The following AGPAT5 variants were observed in gnomAD, a reference collection of about 807,000 sequenced individuals.
AGPAT5 encodes 1-acylglycerol-3-phosphate O-acyltransferase 5, also known as 1-acyl-sn-glycerol-3-phosphate acyltransferase epsilon.
A neutral mutation model predicts 45.6 loss-of-function variants in AGPAT5; 46 were observed. That is an observed-to-expected ratio of 1.01 (90% CI 0.80 to 1.29). The LOEUF is 1.29. Among genes scored for constraint, AGPAT5 ranks in the 50% most tolerant of loss-of-function variants. The probability of loss-of-function intolerance (pLI) is 0.00; values close to 1 mark genes in which losing one functional copy is unlikely to be tolerated. For missense variants in AGPAT5, 673 were observed against 450.7 expected (o/e 1.49, Z -4.47); for synonymous variants, 272 against 167.0 (o/e 1.63, Z -4.85).
At chr8:6,742,203 A>G (rs1183781311) in intron 5 of AGPAT5, among the ~76,000 whole-genome samples, 1 of 152,196 alleles carries the variant, frequency 6.6e-6, no homozygotes, top group Non-Finnish European at 1.5e-5. Flanking sequence ...AAAAGAACAT[A>G]TGCCTTATAA....
chr8:6,734,463 T>G (rs1339784922), intron 4 of AGPAT5, among the ~76,000 whole-genome samples: 2 of 152,162 alleles, frequency 1.3e-5, no homozygotes, highest in African/African-American at 4.8e-5. Flanking sequence ...TTTCATAGTT[T>G]CCATCTCTGT....
intron 3 of AGPAT5, 87 bp downstream of exon 3, chr8:6,730,913 A>C (rs969757611): frequency 3.7e-6 from 3 of 821,668 alleles, no homozygotes; most frequent in Admixed American, 5.8e-5. Flanking sequence ...TTTATTGCTC[A>C]GGCTGAGTGC....
intron 1 of AGPAT5, among the ~76,000 whole-genome samples, chr8:6,721,219 G>A (rs1253498918): frequency 3.3e-5 from 5 of 152,164 alleles, no homozygotes; most frequent in Admixed American, 2.0e-4. Context: ...ATCTTATAAT[G>A]ATTAACTGGT....
intron 2 of AGPAT5, among the ~76,000 whole-genome samples, chr8:6,727,183 G>T (rs1329600842): frequency 6.6e-6 from 1 of 152,086 alleles, no homozygotes; most frequent in Non-Finnish European, 1.5e-5. Flanking sequence ...CAGGCTTGCC[G>T]GAATAAATGA....
chr8:6,724,800 C>A, intron 1 of AGPAT5, 70 bp from the exon 2 acceptor site: 1 of 467,166 alleles, frequency 2.1e-6, no homozygotes, highest in Non-Finnish European at 3.7e-6. Context: ...AGTTTCTTCA[C>A]ATTGTCTTCC....
At chr8:6,731,941 C>T (rs1800879240) in intron 3 of AGPAT5, among the ~76,000 whole-genome samples, 1 of 152,190 alleles carries the variant, frequency 6.6e-6, no homozygotes, top group Non-Finnish European at 1.5e-5. Context: ...GCTTCCTCTT[C>T]TTAGAAGGAC....
At chr8:6,751,920 T>C (rs1407496080) in intron 6 of AGPAT5, among the ~76,000 whole-genome samples, 2 of 152,192 alleles carry the variant, frequency 1.3e-5, no homozygotes, top group African/African-American at 4.8e-5. Context: ...GGCTCACGCG[T>C]GTAATCCCAG....
chr8:6,712,855 T>C (rs948816012), intron 1 of AGPAT5, among the ~76,000 whole-genome samples: 3 of 152,216 alleles, frequency 2.0e-5, no homozygotes, highest in Non-Finnish European at 4.4e-5. Flanking sequence ...TAAATGTTAA[T>C]AGGATGTCTT....
At chr8:6,748,651 T>C (rs1801558100) in intron 6 of AGPAT5, among the ~76,000 whole-genome samples, 1 of 152,184 alleles carries the variant, frequency 6.6e-6, no homozygotes, top group African/African-American at 2.4e-5. Flanking sequence ...ACTACATGCG[T>C]GTGCCACCAT....
At chr8:6,723,015 A>T (rs1160209598) in intron 1 of AGPAT5, among the ~76,000 whole-genome samples, 1 of 152,216 alleles carries the variant, frequency 6.6e-6, no homozygotes. Context: ...ACATTTGTAG[A>T]CGGAACTAAT....
At chr8:6,755,991 C>T (rs1325935485) in intron 7 of AGPAT5, among the ~76,000 whole-genome samples, 1 of 152,124 alleles carries the variant, frequency 6.6e-6, no homozygotes, top group East Asian at 1.9e-4. Context: ...AGAAAAAAGA[C>T]TAATGTATTT....
At chr8:6,730,177 G>A (rs1383852824) in intron 2 of AGPAT5, among the ~76,000 whole-genome samples, 2 of 150,610 alleles carry the variant, frequency 1.3e-5, no homozygotes, top group Admixed American at 1.3e-4. Flanking sequence ...GATTATTTAG[G>A]TATTTTGTGA....
intron 6 of AGPAT5, 143 bp from the exon 7 acceptor site, chr8:6,754,908 T>TTTTGTTTATTTTTG (rs1427241224): frequency 1.4e-5 from 9 of 632,272 alleles, no homozygotes; most frequent in Admixed American, 1.2e-4. Context: ...TTTTTTTAAC[T>TTTTGTTTATTTTTG]TTTGTTTATT....
chr8:6,728,423 A>C (rs1461179322), intron 2 of AGPAT5, among the ~76,000 whole-genome samples: 1 of 151,182 alleles, frequency 6.6e-6, no homozygotes, highest in Non-Finnish European at 1.5e-5. Flanking sequence ...CAAAGCTTTT[A>C]TATTTTGACT....
chr8:6,742,903 T>C (rs541215765), intron 5 of AGPAT5, among the ~76,000 whole-genome samples: 5 of 152,364 alleles, frequency 3.3e-5, no homozygotes, highest in Non-Finnish European at 4.4e-5. Context: ...CTCTGTCTAA[T>C]AGACATGACG....
intron 5 of AGPAT5, 26 bp from the exon 6 acceptor site, chr8:6,747,644 A>G (rs890226668): frequency 6.3e-7 from 1 of 1,595,352 alleles, no homozygotes; most frequent in East Asian, 2.2e-5. Flanking sequence ...GTAACTAATT[A>G]ATGACGGCAC....
At position 6,757,443 on chromosome 8, in the gene AGPAT5, T is replaced by G. The variant is rs954112747; in HGVS notation, c.*55T>G. 4.2e-5 allele frequency: 57 copies of G among 1,349,786 alleles called. No homozygotes were observed. Among genetic ancestry groups the G allele is most frequent in the Non-Finnish European group, 5.4e-5 (51 of 948,954 alleles). The allele number at this position is 1,349,786 out of a possible 1,614,324, so 83.6% of individuals were successfully genotyped here. A position where few individuals can be genotyped will look rare whatever the true frequency, so the allele number is the denominator to read the frequency against. ...TGCTACATTGTCTATTTTTGGCGGC[T>G]GCACATGACATCAAATTGTTTCCTG... On this transcript the variant is annotated 3_prime_UTR_variant, in exon 8 of 8. Coordinates refer to ENST00000285518, the MANE Select transcript of AGPAT5 (RefSeq NM_018361.5).
At chr8:6,736,094 C>T (rs1014484669) in intron 4 of AGPAT5, among the ~76,000 whole-genome samples, 38 of 152,182 alleles carry the variant, frequency 2.5e-4, no homozygotes, top group African/African-American at 6.3e-4. Context: ...CCTCTTGATC[C>T]GCCCGCCTCG....
intron 4 of AGPAT5, among the ~76,000 whole-genome samples, chr8:6,740,323 G>C (rs1271090154): frequency 6.6e-6 from 1 of 151,784 alleles, no homozygotes; most frequent in East Asian, 1.9e-4. Context: ...TGTGGTGTTT[G>C]GAACTAGCTT....
Sources: gnomAD v4.1 joint callset for allele counts (sites outside exome capture counted in the v4.1 genomes callset) on GRCh38, gnomAD v4.1.1 for gene constraint, MANE v1.5 for transcripts, NCBI Gene and HGNC (gene_info 2026-07-23, HGNC 2026-07-21) for gene names.